The following ADAMTS17 variants were observed in gnomAD, a reference collection of about 807,000 sequenced individuals.
The protein encoded by ADAMTS17 is ADAM metallopeptidase with thrombospondin type 1 motif 17, also known as A disintegrin and metalloproteinase with thrombospondin motifs 17.
ADAMTS17 carries 113 observed loss-of-function variants against 141.5 expected under a neutral mutation model. The observed-to-expected ratio is 0.80, with a 90% confidence interval of 0.69 to 0.93. The LOEUF (loss-of-function observed/expected upper bound fraction) is 0.93. ADAMTS17 is among the 40% of genes least tolerant of loss of function. The pLI is 0.00. For missense variants in ADAMTS17, 1,659 were observed against 1,517.9 expected (o/e 1.09, Z -1.54); for synonymous variants, 768 against 630.6 (o/e 1.22, Z -3.27).
At chr15:100,021,449 A>G (rs1212959931) in intron 18 of ADAMTS17, among the ~76,000 whole-genome samples, 3 of 152,180 alleles carry the variant, frequency 2.0e-5, no homozygotes, top group Non-Finnish European at 4.4e-5. Flanking sequence ...CTAGGGTGCC[A>G]TAACAGTCTC....
intron 20 of ADAMTS17, among the ~76,000 whole-genome samples, chr15:99,977,822 A>C (rs1174287188): frequency 6.6e-6 from 1 of 152,046 alleles, no homozygotes; most frequent in Non-Finnish European, 1.5e-5. Flanking sequence ...TTCTCCCAGG[A>C]GCCCTTGGAA....
chr15:100,075,238 C>G (rs1414284003), intron 15 of ADAMTS17, among the ~76,000 whole-genome samples: 2 of 152,170 alleles, frequency 1.3e-5, no homozygotes, highest in African/African-American at 4.8e-5. Flanking sequence ...TTTTTACTCT[C>G]TAAGGTAATT....
At chr15:100,264,856 C>T (rs972688673) in intron 4 of ADAMTS17, among the ~76,000 whole-genome samples, 5 of 151,962 alleles carry the variant, frequency 3.3e-5, no homozygotes, top group African/African-American at 9.7e-5. Flanking sequence ...ACAGAGTTTC[C>T]GTTTTGCAAG....
chr15:100,230,641 T>C (rs1242605734), intron 7 of ADAMTS17, among the ~76,000 whole-genome samples: 3 of 152,366 alleles, frequency 2.0e-5, no homozygotes, highest in South Asian at 4.1e-4. Flanking sequence ...TGGGAGTGAC[T>C]GGCATTTAAC....
At chr15:100,202,917 G>A (rs186594811) in intron 7 of ADAMTS17, among the ~76,000 whole-genome samples, 7 of 152,350 alleles carry the variant, frequency 4.6e-5, no homozygotes, top group Admixed American at 3.3e-4. Flanking sequence ...AGACCCTGCA[G>A]TGGTGCTTTC....
chr15:100,238,693 G>A (rs141139683), intron 7 of ADAMTS17, among the ~76,000 whole-genome samples: 65 of 152,324 alleles, frequency 4.3e-4, no homozygotes, highest in African/African-American at 1.3e-3. Flanking sequence ...TCTGTCACTC[G>A]CGAGTGGCAT....
intron 13 of ADAMTS17, among the ~76,000 whole-genome samples, chr15:100,113,191 G>GC (rs2036901378): frequency 6.6e-6 from 1 of 152,168 alleles, no homozygotes; most frequent in African/African-American, 2.4e-5. Flanking sequence ...TCTTTCCTGG[G>GC]AACTCGGTAC....
At chr15:100,003,220 GC>G (rs1434924619) in intron 18 of ADAMTS17, among the ~76,000 whole-genome samples, 6 of 152,120 alleles carry the variant, frequency 3.9e-5, no homozygotes, top group African/African-American at 1.2e-4. Flanking sequence ...TCAGGGCACA[GC>G]CCTTGCTCCA....
chr15:100,298,794 T>A (rs1021427812), intron 3 of ADAMTS17, among the ~76,000 whole-genome samples: 3 of 152,154 alleles, frequency 2.0e-5, no homozygotes, highest in African/African-American at 7.2e-5. Context: ...CATTTTCTGG[T>A]TAATTTTGCA....
chr15:100,105,190 C>T (rs143662319), intron 14 of ADAMTS17, among the ~76,000 whole-genome samples: 59 of 152,288 alleles, frequency 3.9e-4, no homozygotes, highest in Non-Finnish European at 6.6e-4. Flanking sequence ...CTGGAGGCAG[C>T]GGGTTACCAG....
intron 17 of ADAMTS17, among the ~76,000 whole-genome samples, chr15:100,051,355 G>A (rs969059639): frequency 1.3e-5 from 2 of 152,190 alleles, no homozygotes; most frequent in African/African-American, 2.4e-5. Flanking sequence ...GGGGCCCTGG[G>A]CCCCAGGCAA....
intron 20 of ADAMTS17, among the ~76,000 whole-genome samples, chr15:99,987,176 T>C (rs563859064): frequency 1.8e-4 from 28 of 152,278 alleles, no homozygotes; most frequent in Admixed American, 1.2e-3. Flanking sequence ...TTGGAAACAG[T>C]CTCATCTTTC....
At chr15:100,251,808 T>C (rs577495878) in intron 7 of ADAMTS17, among the ~76,000 whole-genome samples, 1 of 152,270 alleles carries the variant, frequency 6.6e-6, no homozygotes, top group African/African-American at 2.4e-5. Context: ...ATGACTGGCG[T>C]CCTTTATAAG....
At position 100,066,899 on chromosome 15, in the gene ADAMTS17, T is replaced by C. The variant is rs1271182469; in HGVS notation, c.2138-12845A>G. On this transcript the variant is annotated intron_variant, in intron 15 of 21. Transcript: ENST00000268070. ...AATACACTTTTCCGCTGTCTTCCCT[T>C]ATGATATTGAGAGGGCAGCCATCCT... Among the ~76,000 whole-genome samples the C allele has an allele frequency of 4.6e-4, 12 of 26,162 alleles. 4 individuals are homozygous for C. The highest frequency in any genetic ancestry group is 8.2e-4 in the African/African-American group (12 of 14,648). The allele number at this position is 26,162 out of a possible 152,430, so 17.2% of individuals were successfully genotyped here.
At chr15:100,167,963 C>G (rs976046996) in intron 8 of ADAMTS17, among the ~76,000 whole-genome samples, 3 of 152,216 alleles carry the variant, frequency 2.0e-5, no homozygotes, top group Non-Finnish European at 4.4e-5. Context: ...CACAGAAATG[C>G]TCCTGGCAAA....
At chr15:100,061,401 G>A (rs1018503548) in intron 15 of ADAMTS17, among the ~76,000 whole-genome samples, 13 of 152,292 alleles carry the variant, frequency 8.5e-5, no homozygotes, top group Admixed American at 2.0e-4. Flanking sequence ...GCCGAGCTCC[G>A]TGACTGGGAG....
At chr15:100,301,486 G>A (rs2045034168) in intron 3 of ADAMTS17, among the ~76,000 whole-genome samples, 1 of 148,700 alleles carries the variant, frequency 6.7e-6, no homozygotes, top group Admixed American at 6.7e-5. Flanking sequence ...CACCACACCG[G>A]GCTAATTTTT....
At chr15:100,325,533 G>A (rs1419437834) in intron 3 of ADAMTS17, among the ~76,000 whole-genome samples, 2 of 152,206 alleles carry the variant, frequency 1.3e-5, no homozygotes, top group Non-Finnish European at 2.9e-5. Flanking sequence ...CAATGCTGGA[G>A]GTGGAGCCTA....
chr15:100,338,752 C>G (rs1487954870), intron 2 of ADAMTS17, among the ~76,000 whole-genome samples: 2 of 152,014 alleles, frequency 1.3e-5, no homozygotes, highest in Admixed American at 1.3e-4. Context: ...GTAGCAAATA[C>G]ACACACACAC....
Sources: gnomAD v4.1 joint callset for allele counts (sites outside exome capture counted in the v4.1 genomes callset) on GRCh38, gnomAD v4.1.1 for gene constraint, MANE v1.5 for transcripts, NCBI Gene and HGNC (gene_info 2026-07-23, HGNC 2026-07-21) for gene names.